The following PCSK5 variants were observed in gnomAD, a reference collection of about 807,000 sequenced individuals.
PCSK5 encodes prohormone convertase 5.
Under a neutral mutation model 233.2 loss-of-function variants are expected in PCSK5, and 129 were observed. The ratio of observed to expected loss-of-function variants is 0.55; its 90% CI spans 0.48 to 0.64. The LOEUF (loss-of-function observed/expected upper bound fraction) is 0.64, where lower values mean the gene tolerates loss of function less well. Among genes scored for constraint, PCSK5 ranks in the 30% least tolerant of loss-of-function variants. The pLI is 0.00. For synonymous variants in PCSK5, 825 were observed against 879.2 expected (o/e 0.94, Z 1.09); for missense variants, 2,076 against 2,430.1 (o/e 0.85, Z 3.06).
chr9:76,018,021 G>T (rs867020813), intron 3 of PCSK5, among the ~76,000 whole-genome samples: 1 of 34,438 alleles, frequency 2.9e-5, no homozygotes, highest in African/African-American at 1.1e-4. Context: ...AAAAAAAAAT[G>T]TGTGAGGGAG....
At chr9:76,026,182 G>A (rs969024294) in intron 4 of PCSK5, among the ~76,000 whole-genome samples, 1 of 152,180 alleles carries the variant, frequency 6.6e-6, no homozygotes, top group Non-Finnish European at 1.5e-5. Context: ...TTGATCAATT[G>A]TAACTAGTAA....
intron 24 of PCSK5, among the ~76,000 whole-genome samples, chr9:76,291,353 G>A (rs11144820): frequency 0.046 from 6,970 of 152,284 alleles, 281 homozygotes; most frequent in African/African-American, 0.11. Context: ...TTAATTAAAG[G>A]TGACATAAAA....
chr9:76,192,830 GTTAC>G lies in PCSK5; in HGVS notation c.2626+3088_2626+3091del, dbSNP rs1281537173. On this transcript the variant is annotated intron_variant, in intron 20 of 37. Coordinates refer to ENST00000674117, the MANE Select transcript of PCSK5 (RefSeq NM_001372043.1). ...TAATATGAAGCATCTTTTCCTTTGT[GTTAC>G]TTAAAATGATGGTGCATCTTAAATC... Among the ~76,000 whole-genome samples, 3 of 152,172 alleles carry G rather than the reference GTTAC, an allele frequency of 2.0e-5. No homozygotes were observed. In the East Asian group the frequency reaches 5.8e-4, roughly 29 times the overall value.
chr9:76,035,318 G>C (rs1334935271), intron 5 of PCSK5, among the ~76,000 whole-genome samples: 2 of 152,154 alleles, frequency 1.3e-5, no homozygotes, highest in African/African-American at 2.4e-5. Context: ...TATAGAAAAT[G>C]ATTATCTAAC....
intron 9 of PCSK5, among the ~76,000 whole-genome samples, chr9:76,130,876 G>T (rs964342423): frequency 2.0e-5 from 3 of 152,070 alleles, no homozygotes; most frequent in African/African-American, 7.2e-5. Context: ...CGAGACTCAG[G>T]ATTGGGAGAT....
Position 76,240,618 on chromosome 9 carries a change from G to A in PCSK5, c.3076G>A (p.Glu1026Lys), listed in dbSNP as rs1295930403. The A allele has an allele frequency of 4.5e-6, 7 of 1,570,568 alleles. No homozygotes were observed. The highest frequency in any genetic ancestry group is 6.1e-6 in the Non-Finnish European group (7 of 1,155,310). Residue 1026 changes from glutamate to lysine, a missense_variant and splice_region_variant, in exon 24 of 38, where the codon GAA (glutamate) becomes AAA (lysine). This residue lies in a region of PCSK5 where 1,510 missense variants were observed against 1,538.1 expected (regional missense o/e 0.98). Transcript: ENST00000674117. Reference protein sequence around the residue: ...TCQKLECGQGEVQDPDYEECV... With the variant: ...TCQKLECGQGKVQDPDYEECV... ...TTTTCACTTCTCTGTCTGTGTAGGT[G>A]AAGTCCAAGACCCAGACTATGAAGA...
chr9:76,332,241 C>A (rs936553157), intron 33 of PCSK5, among the ~76,000 whole-genome samples, 192 bp from the exon 34 acceptor site: 5 of 152,174 alleles, frequency 3.3e-5, no homozygotes, highest in Admixed American at 3.3e-4. Context: ...TCCTTGTATT[C>A]CTCATGGCCT....
intron 24 of PCSK5, among the ~76,000 whole-genome samples, chr9:76,248,621 C>T (rs777573120): frequency 6.6e-6 from 1 of 152,172 alleles, no homozygotes; most frequent in Middle Eastern, 3.2e-3. Context: ...CACACAGACT[C>T]AAAGTACTAC....
intron 1 of PCSK5, among the ~76,000 whole-genome samples, chr9:75,905,856 C>A (rs185317416): frequency 1.3e-5 from 2 of 152,284 alleles, no homozygotes; most frequent in African/African-American, 4.8e-5. Context: ...TGCCCCCTCC[C>A]CTGTCCATGG....
intron 2 of PCSK5, among the ~76,000 whole-genome samples, chr9:75,976,148 A>G (rs1826003243): frequency 6.6e-6 from 1 of 152,156 alleles, no homozygotes; most frequent in Admixed American, 6.6e-5. Context: ...CTGAAATACA[A>G]GTTAGAAAAT....
chr9:76,195,300 G>A (rs1824636958), intron 20 of PCSK5: 1 of 152,166 alleles, frequency 6.6e-6, no homozygotes, highest in Non-Finnish European at 1.5e-5. Context: ...GAATTTGCCT[G>A]CAAAGAAATC....
At chr9:76,281,528 C>G (rs1433680346) in intron 24 of PCSK5, among the ~76,000 whole-genome samples, 1 of 152,218 alleles carries the variant, frequency 6.6e-6, no homozygotes, top group Non-Finnish European at 1.5e-5. Context: ...TATTACTGCT[C>G]ATTGACAATG....
intron 5 of PCSK5, among the ~76,000 whole-genome samples, chr9:76,040,497 C>A (rs960524486): frequency 6.6e-6 from 1 of 151,862 alleles, no homozygotes; most frequent in Non-Finnish European, 1.5e-5. Flanking sequence ...CCAACAATTC[C>A]GAGCTTCCCA....
intron 3 of PCSK5, among the ~76,000 whole-genome samples, chr9:76,009,000 T>C (rs955451472): frequency 7.2e-5 from 11 of 152,312 alleles, no homozygotes; most frequent in Middle Eastern, 3.4e-3. Flanking sequence ...AAAAAGTGTT[T>C]CTTGTTTATC....
At chr9:76,293,639 AG>A (rs1271189320) in intron 25 of PCSK5, among the ~76,000 whole-genome samples, 4 of 152,188 alleles carry the variant, frequency 2.6e-5, no homozygotes, top group Non-Finnish European at 5.9e-5. Flanking sequence ...TAGCAGAGAC[AG>A]GGTTTCGCCA....
At chr9:76,345,158 T>A (rs1463123876) in intron 35 of PCSK5, among the ~76,000 whole-genome samples, 2 of 152,042 alleles carry the variant, frequency 1.3e-5, no homozygotes, top group African/African-American at 4.8e-5. Flanking sequence ...TTTCCCAGTG[T>A]CTATTGTTCC....
chr9:76,164,229 G>A (rs996297333), intron 12 of PCSK5, among the ~76,000 whole-genome samples: 1 of 152,158 alleles, frequency 6.6e-6, no homozygotes, highest in African/African-American at 2.4e-5. Context: ...TGCAGTGAAT[G>A]TTTTACATTC....
intron 8 of PCSK5, among the ~76,000 whole-genome samples, chr9:76,097,352 C>T (rs1335925490): frequency 2.2e-5 from 3 of 138,646 alleles, no homozygotes; most frequent in East Asian, 2.2e-4. Context: ...CTCCGCTTCC[C>T]GGGTTCACGC....
chr9:76,105,706 G>A (rs956797619), intron 8 of PCSK5, among the ~76,000 whole-genome samples: 11 of 152,134 alleles, frequency 7.2e-5, no homozygotes, highest in Non-Finnish European at 1.2e-4. Context: ...TCAGGAAAAC[G>A]TAGTGAAAGG....
Sources: allele counts gnomAD v4.1 joint callset (sites outside exome capture counted in the v4.1 genomes callset), GRCh38; gene constraint gnomAD v4.1.1; regional missense constraint gnomAD v4.1.1; transcripts MANE v1.5; gene names NCBI Gene and HGNC (gene_info 2026-07-23, HGNC 2026-07-21).